Variants in GALNTL6 observed in about 807,000 individuals in gnomAD.
GALNTL6 encodes polypeptide N-acetylgalactosaminyltransferase-like 6.
In GALNTL6, 46 loss-of-function variants were observed where a neutral mutation model predicts 73.7. The observed-to-expected ratio is 0.62, with a 90% CI of 0.49 to 0.80. The LOEUF is 0.80. Among genes scored for constraint, GALNTL6 ranks in the 30% least tolerant of loss-of-function variants. GALNTL6 has a pLI of 0.00. For synonymous variants in GALNTL6, 259 were observed against 263.7 expected (o/e 0.98, Z 0.17); for missense variants, 604 against 755.0 (o/e 0.80, Z 2.34).
rs148179468 is a variant in GALNTL6 at position 172,778,308 on chromosome 4, C to T, written c.554-31053C>T. Among the ~76,000 whole-genome samples, 592 of 152,286 alleles carry T rather than the reference C, an allele frequency of 3.9e-3. 5 individuals carry two copies. The highest frequency in any genetic ancestry group is 6.6e-3 in the Non-Finnish European group (448 of 68,018). On this transcript the variant is annotated intron_variant, in intron 5 of 12. Coordinates refer to ENST00000506823, the MANE Select transcript of GALNTL6 (RefSeq NM_001034845.3). Reference sequence around the variant, plus strand: ...GCCCAATGACATATTCCACACAACACAGAATTATTTATCCCACCTGCCATA... The same window carrying T: ...GCCCAATGACATATTCCACACAACATAGAATTATTTATCCCACCTGCCATA...
chr4:172,338,253 A>G (rs1466323236), intron 4 of GALNTL6, among the ~76,000 whole-genome samples: 5 of 151,792 alleles, frequency 3.3e-5, no homozygotes, highest in African/African-American at 1.2e-4. Context: ...TTTATCTGCC[A>G]TTTTGGGGTT....
intron 5 of GALNTL6, among the ~76,000 whole-genome samples, chr4:172,370,616 G>A (rs150389389): frequency 0.015 from 1,905 of 127,682 alleles, 49 homozygotes; most frequent in African/African-American, 0.054. Flanking sequence ...GGGCGACAGA[G>A]TGAGACTCCA....
At position 172,286,676 on chromosome 4, in the gene GALNTL6, C is replaced by T. The variant is rs140995482; in HGVS notation, c.248-24938C>T. Among the ~76,000 whole-genome samples, 791 of 152,178 alleles carry T rather than the reference C, an allele frequency of 5.2e-3. 1 individual carries two copies. The highest frequency in any genetic ancestry group is 0.032 in the South Asian group (152 of 4,820). ...GATAAAGATAACGGAATGGAGCATA[C>T]AGGACGGAGGAAGGCAGCGATGGTG... On this transcript the variant is annotated intron_variant, in intron 3 of 12. Coordinates refer to ENST00000506823, the MANE Select transcript of GALNTL6 (RefSeq NM_001034845.3).
chr4:172,947,582 A>T (rs77304836), intron 9 of GALNTL6, among the ~76,000 whole-genome samples: 2,799 of 147,390 alleles, frequency 0.019, 90 homozygotes, highest in African/African-American at 0.065. Context: ...CCCTTGATAA[A>T]TTTTTTTTTT....
chr4:172,518,794 T>G (rs746054027), intron 5 of GALNTL6, among the ~76,000 whole-genome samples: 1 of 151,944 alleles, frequency 6.6e-6, no homozygotes, highest in Non-Finnish European at 1.5e-5. Flanking sequence ...TGGTAGATTA[T>G]GTAATTAAGG....
At chr4:172,902,214 AACC>A (rs201058911) in intron 8 of GALNTL6, among the ~76,000 whole-genome samples, 1,868 of 152,270 alleles carry the variant, frequency 0.012, 35 homozygotes, top group African/African-American at 0.042. Context: ...ATGATATTAA[AACC>A]ACCACAAGTC....
In GALNTL6 at chr4:171,933,535, A is replaced by T. The variant is rs1297315135; in HGVS notation, c.138+118817A>T. On this transcript the variant is annotated intron_variant, in intron 2 of 12. Coordinates refer to ENST00000506823, the MANE Select transcript of GALNTL6 (RefSeq NM_001034845.3). ...TTAATTGTTATTAACTGATTCAACA[A>T]ATATTAACTTTAGGCACTATGCTAG... 2.6e-5 allele frequency among the ~76,000 whole-genome samples: 4 copies of T among 152,170 alleles called. No homozygotes were observed. The East Asian group carries it at 7.7e-4, about 29-fold the overall frequency.
At chr4:173,013,324 A>C (rs1752636044) in intron 11 of GALNTL6, among the ~76,000 whole-genome samples, 2 of 152,130 alleles carry the variant, frequency 1.3e-5, no homozygotes, top group African/African-American at 4.8e-5. Flanking sequence ...CTTGGGCTAA[A>C]TTCCTCTCTA....
chr4:172,705,996 T>C (rs894597250), intron 5 of GALNTL6, among the ~76,000 whole-genome samples: 1 of 152,106 alleles, frequency 6.6e-6, no homozygotes, highest in Non-Finnish European at 1.5e-5. Flanking sequence ...TTACTATACC[T>C]GGATATTTAT....
At chr4:172,314,953 C>T (rs1266597128) in intron 4 of GALNTL6, among the ~76,000 whole-genome samples, 1 of 152,010 alleles carries the variant, frequency 6.6e-6, no homozygotes, top group South Asian at 2.1e-4. Context: ...CATTTCTTCA[C>T]TAGTATAAAA....
intron 5 of GALNTL6, among the ~76,000 whole-genome samples, chr4:172,518,137 C>G (rs1035392070): frequency 1.3e-5 from 2 of 151,586 alleles, no homozygotes; most frequent in Non-Finnish European, 3.0e-5. Context: ...GGGATCCTGG[C>G]TATTTATTAT....
Position 171,953,375 on chromosome 4 carries a change from A to T in GALNTL6, c.138+138657A>T, listed in dbSNP as rs997794030. Among the ~76,000 whole-genome samples, 3 of 152,118 alleles carry T rather than the reference A, an allele frequency of 2.0e-5. No individual in the cohort carries two copies. The East Asian group carries it at 5.8e-4, about 29-fold the overall frequency. Reference sequence around the variant, plus strand: ...CTACTTTCAGTCCACATGCTATTGGATCTGGAGTAGAAAAACAGATCAATA... The same window carrying T: ...CTACTTTCAGTCCACATGCTATTGGTTCTGGAGTAGAAAAACAGATCAATA... On this transcript the variant is annotated intron_variant, in intron 2 of 12. Transcript: ENST00000506823.
intron 5 of GALNTL6, among the ~76,000 whole-genome samples, chr4:172,593,356 C>T (rs947534639): frequency 1.3e-5 from 2 of 152,192 alleles, no homozygotes; most frequent in Non-Finnish European, 2.9e-5. Context: ...GGAATATACA[C>T]ATTTGTTAGC....
intron 5 of GALNTL6, among the ~76,000 whole-genome samples, chr4:172,447,920 A>G (rs1732084349): frequency 6.6e-6 from 1 of 152,200 alleles, no homozygotes; most frequent in African/African-American, 2.4e-5. Flanking sequence ...GTTCAATTGC[A>G]AGTAAGTTAT....
At position 172,312,706 on chromosome 4, in the gene GALNTL6, A is replaced by G. The variant is rs199830101; in HGVS notation, c.386+954A>G. Among the ~76,000 whole-genome samples, 124 of 152,326 alleles carry G rather than the reference A, an allele frequency of 8.1e-4. 2 individuals carry two copies. The South Asian group carries it at 0.016, about 20-fold the overall frequency. On this transcript the variant is annotated intron_variant, in intron 4 of 12. Coordinates refer to ENST00000506823, the MANE Select transcript of GALNTL6 (RefSeq NM_001034845.3). ...CGAATAAAACTCCTTAACTTTGTGCAAAGATAATTGACCCTTTAGAAAAAA... is the reference window on the plus strand; with the variant it reads ...CGAATAAAACTCCTTAACTTTGTGCGAAGATAATTGACCCTTTAGAAAAAA...
intron 7 of GALNTL6, among the ~76,000 whole-genome samples, chr4:172,869,615 T>C (rs1744824669): frequency 6.6e-6 from 1 of 152,216 alleles, no homozygotes; most frequent in Non-Finnish European, 1.5e-5. Context: ...ACACTCACTG[T>C]CAACATAATG....
Position 172,334,128 on chromosome 4 carries a change from ACT to A in GALNTL6, c.387-14392_387-14391del, listed in dbSNP as rs574963425. 7.9e-4 allele frequency among the ~76,000 whole-genome samples: 120 copies of A among 151,800 alleles called. 2 individuals are homozygous for A. In the South Asian group the frequency reaches 0.016, roughly 20 times the overall value. ...ACTACACTTTACTCTACTCTACTCT[ACT>A]CTACTCTACTTTGGTTACTATAGCC... On this transcript the variant is annotated intron_variant, in intron 4 of 12. Transcript: ENST00000506823.
chr4:172,657,690 A>G (rs1398349559), intron 5 of GALNTL6, among the ~76,000 whole-genome samples: 1 of 152,210 alleles, frequency 6.6e-6, no homozygotes, highest in African/African-American at 2.4e-5. Flanking sequence ...AAGACATGTA[A>G]CTCTACAAAA....
intron 2 of GALNTL6, among the ~76,000 whole-genome samples, chr4:172,093,613 C>A (rs1032807867): frequency 3.3e-5 from 5 of 152,130 alleles, no homozygotes; most frequent in African/African-American, 1.2e-4. Flanking sequence ...GTACTTACAG[C>A]CACTCCCCTT....
Sources: allele counts gnomAD v4.1 joint callset (sites outside exome capture counted in the v4.1 genomes callset), GRCh38; gene constraint gnomAD v4.1.1; transcripts MANE v1.5; gene names NCBI Gene and HGNC (gene_info 2026-07-23, HGNC 2026-07-21).